The following PC variants were observed in gnomAD, a reference collection of about 807,000 sequenced individuals.
The protein encoded by PC is pyruvate carboxylase, also known as pyruvate carboxylase, mitochondrial.
PC carries 46 observed loss-of-function variants against 107.8 expected under a neutral mutation model. The ratio of observed to expected loss-of-function variants is 0.43; its 90% CI spans 0.34 to 0.55. The LOEUF (loss-of-function observed/expected upper bound fraction) is 0.55, where lower values mean the gene tolerates loss of function less well. Among genes scored for constraint, PC ranks in the 20% least tolerant of loss-of-function variants. The pLI is 0.04. For missense variants in PC, 1,241 were observed against 1,643.1 expected, an observed-to-expected ratio of 0.76 and a Z score of 4.23; for synonymous variants, 662 against 684.7, an observed-to-expected ratio of 0.97 and a Z score of 0.52.
rs755081816 is a variant in PC at position 66,858,298 on chromosome 11, C to T, written c.1369-4915G>A. The T allele has an allele frequency of 1.9e-6, 3 of 1,611,136 alleles. No homozygotes were observed. The highest frequency in any genetic ancestry group is 2.2e-5 in the South Asian group (2 of 91,076). On this transcript the variant is annotated intron_variant, in intron 12 of 22. Coordinates refer to ENST00000393960, the MANE Select transcript of PC (RefSeq NM_001040716.2). The surrounding 1 kb of genome is among the most constrained non-coding windows in gnomAD (Gnocchi z 5.9). ...GACCATAACCTTATTGACGCACTGC[C>T]CCCAGGCGCCTTCGCCCAGCTCGGT...
At position 66,860,294 on chromosome 11, in the gene PC, C is replaced by G. The variant is rs113659922; in HGVS notation, c.1368+3480G>C. On this transcript the variant is annotated intron_variant, in intron 12 of 22. Transcript: ENST00000393960. ...TGGGAGTCCCTCCCTGGTTTTTATT[C>G]TCAGTACCTCAGGCTCCCCTGTGTA... 24 of 1,463,374 alleles carry G rather than the reference C, an allele frequency of 1.6e-5. 1 individual carries two copies. The African/African-American group carries it at 1.8e-4, about 11-fold the overall frequency. 90.6% of individuals were successfully genotyped at this position (1,463,374 alleles called of 1,614,324 possible).
At chr11:66,911,056 C>T (rs942234216) in intron 3 of PC, among the ~76,000 whole-genome samples, 5 of 152,178 alleles carry the variant, frequency 3.3e-5, no homozygotes, top group African/African-American at 7.2e-5. Flanking sequence ...AATGAGGTAA[C>T]GTATTTTTGA....
At position 66,858,952 on chromosome 11, in the gene PC, T is replaced by G. The variant is rs758678940; in HGVS notation, c.1368+4822A>C. The G allele has an allele frequency of 3.2e-6, 5 of 1,577,496 alleles. No individual in the cohort carries two copies. The highest frequency in any genetic ancestry group is 4.3e-6 in the Non-Finnish European group (5 of 1,158,358). On this transcript the variant is annotated intron_variant, in intron 12 of 22. Transcript: ENST00000393960. This position sits in a 1 kb window ranked among gnomAD's most constrained non-coding sequence, Gnocchi z 5.9. ...ACTGCTGCCGAGGGTGAGGGGACGC[T>G]GGAGTCTGAGCCAGCCGTGCAGGTG...
At chr11:66,859,519 C>G in intron 12 of PC, 1 of 1,534,970 alleles carries the variant, frequency 6.5e-7, no homozygotes, top group Non-Finnish European at 8.7e-7. Flanking sequence ...CTGAGTGAAC[C>G]CAAGAGCCCG....
intron 3 of PC, among the ~76,000 whole-genome samples, chr11:66,930,516 C>T (rs144285200): frequency 0.057 from 8,719 of 152,050 alleles, 311 homozygotes; most frequent in Non-Finnish European, 0.087. Flanking sequence ...CTGAGGCAGG[C>T]GGATCACCTG....
At chr11:66,874,691 G>A (rs965529642) in intron 3 of PC, among the ~76,000 whole-genome samples, 4 of 152,218 alleles carry the variant, frequency 2.6e-5, no homozygotes, top group African/African-American at 7.2e-5. Context: ...CTTAGGAGTC[G>A]AGAACACAAC....
At chr11:66,856,184 C>G (rs1945807101) in intron 12 of PC, among the ~76,000 whole-genome samples, 1 of 152,258 alleles carries the variant, frequency 6.6e-6, no homozygotes, top group Admixed American at 6.5e-5. Flanking sequence ...GAGCTGGTTC[C>G]GAGCCGCTCT....
intron 3 of PC, among the ~76,000 whole-genome samples, chr11:66,909,626 G>C (rs1210351830): frequency 2.0e-5 from 3 of 152,216 alleles, no homozygotes; most frequent in Non-Finnish European, 2.9e-5. Context: ...CGGACAAGAA[G>C]ACACAGTCCC....
At chr11:66,954,002 A>G (rs537127077) in intron 2 of PC, among the ~76,000 whole-genome samples, 1 of 149,324 alleles carries the variant, frequency 6.7e-6, no homozygotes, top group South Asian at 2.1e-4. Context: ...TTTATTATTA[A>G]TAACAATAAA....
At position 66,923,092 on chromosome 11, in the gene PC, C is replaced by T. The variant is rs567123099; in HGVS notation, c.-1+29338G>A. ...GCAAGAAGTCGGGCTAGGCACCGGGCGCGGTGGCTCACGCCTGTAATCCCA... is the reference window on the plus strand; with the variant it reads ...GCAAGAAGTCGGGCTAGGCACCGGGTGCGGTGGCTCACGCCTGTAATCCCA... On this transcript the variant is annotated intron_variant, in intron 3 of 22. Coordinates refer to ENST00000393960, the MANE Select transcript of PC (RefSeq NM_001040716.2). 4.6e-5 allele frequency among the ~76,000 whole-genome samples: 7 copies of T among 152,246 alleles called. No homozygotes were observed. The South Asian group carries it at 1.0e-3, about 23-fold the overall frequency.
In PC at chr11:66,932,887, C is replaced by T. The variant is rs764694817; in HGVS notation, c.-1+19543G>A. 2.6e-5 allele frequency among the ~76,000 whole-genome samples: 4 copies of T among 152,212 alleles called. No homozygotes were observed. The South Asian group carries it at 8.3e-4, about 32-fold the overall frequency. On this transcript the variant is annotated intron_variant, in intron 3 of 22. Transcript: ENST00000393960. ...AAAACCCATTCCAAAGTCCCAGCAC[C>T]AGGAACTATGAATATCAAGAAGTAG... is the stretch of plus-strand genomic sequence containing the variant.
intron 3 of PC, among the ~76,000 whole-genome samples, chr11:66,894,354 T>C (rs1448425837): frequency 2.6e-5 from 4 of 152,138 alleles, no homozygotes; most frequent in African/African-American, 9.7e-5. Flanking sequence ...GCACTCCCTC[T>C]ACCATTAGAA....
intron 3 of PC, among the ~76,000 whole-genome samples, chr11:66,923,077 G>A (rs1375441887): frequency 1.3e-5 from 2 of 152,108 alleles, no homozygotes; most frequent in African/African-American, 2.4e-5. Flanking sequence ...GCAAGAAGTC[G>A]GGCTAGGCAC....
rs1051798895 is a variant in PC, at chr11:66,860,315, G to C, written c.1368+3459C>G. 1.1e-5 allele frequency: 15 copies of C among 1,400,906 alleles called. No homozygotes were observed. The South Asian group carries it at 1.8e-4, about 17-fold the overall frequency. 86.8% of individuals were successfully genotyped at this position (1,400,906 alleles called of 1,614,324 possible). ...TATTCTCAGTACCTCAGGCTCCCCT[G>C]TGTACTTGGAGGGGCAGGGAGCCCT... is the stretch of plus-strand genomic sequence containing the variant. On this transcript the variant is annotated intron_variant, in intron 12 of 22. Transcript: ENST00000393960.
intron 3 of PC, among the ~76,000 whole-genome samples, chr11:66,933,617 C>T (rs1591299887): frequency 1.3e-5 from 2 of 152,036 alleles, no homozygotes; most frequent in African/African-American, 4.8e-5. Context: ...ATTTAGAGCT[C>T]TCCAATCCCT....
chr11:66,937,457 T>C (rs79179961), intron 3 of PC, among the ~76,000 whole-genome samples: 3,768 of 151,562 alleles, frequency 0.025, 69 homozygotes, highest in Middle Eastern at 0.038. Context: ...ATCTCTGATA[T>C]TCATCCTCAT....
intron 3 of PC, among the ~76,000 whole-genome samples, chr11:66,950,632 C>T (rs1055876220): frequency 2.0e-5 from 3 of 152,166 alleles, no homozygotes; most frequent in Admixed American, 2.0e-4. Context: ...AGGAGCCAAA[C>T]AAGCTTTGAC....
chr11:66,918,969 G>C (rs558429505), intron 3 of PC, among the ~76,000 whole-genome samples: 1 of 152,054 alleles, frequency 6.6e-6, no homozygotes, highest in Admixed American at 6.5e-5. Flanking sequence ...ACCAAGCCCC[G>C]TCAAGTTTCC....
intron 12 of PC, among the ~76,000 whole-genome samples, chr11:66,854,610 T>C (rs1007076195): frequency 2.0e-5 from 3 of 152,210 alleles, no homozygotes; most frequent in Non-Finnish European, 2.9e-5. Flanking sequence ...GCATGGCCTG[T>C]GGCTGTGTAG....
Sources: allele counts gnomAD v4.1 joint callset (sites outside exome capture counted in the v4.1 genomes callset), GRCh38; gene constraint gnomAD v4.1.1; non-coding constraint Gnocchi (gnomAD v3.1); transcripts MANE v1.5; gene names NCBI Gene and HGNC (gene_info 2026-07-23, HGNC 2026-07-21).